SEMA6D: variants seen among roughly 807,000 people sequenced by gnomAD.
The protein encoded by SEMA6D is semaphorin-6D.
In SEMA6D, 35 loss-of-function variants were observed where a neutral mutation model predicts 106.6. The ratio of observed to expected loss-of-function variants is 0.33; its 90% CI spans 0.25 to 0.44. The LOEUF is 0.44. Ranked by LOEUF, SEMA6D falls within the 20% of genes least tolerant of loss-of-function variation. The pLI, the probability that SEMA6D is intolerant of heterozygous loss-of-function variation, is 1.00. For synonymous variants in SEMA6D, 499 were observed against 487.7 expected (o/e 1.02, Z -0.31); for missense variants, 1,185 against 1,345.9 (o/e 0.88, Z 1.87).
At chr15:47,327,217 C>T (rs149339113) in intron 1 of SEMA6D, among the ~76,000 whole-genome samples, 1,836 of 152,248 alleles carry the variant, frequency 0.012, 43 homozygotes, top group African/African-American at 0.042. Flanking sequence ...AGTTTCTTCA[C>T]TTGTAAAATG....
intron 2 of SEMA6D, among the ~76,000 whole-genome samples, chr15:47,462,747 C>T (rs2042552259): frequency 1.3e-5 from 2 of 152,036 alleles, no homozygotes; most frequent in South Asian, 2.1e-4. Context: ...GATAAAAGGC[C>T]TTCTCTTTTT....
At chr15:47,543,647 T>G (rs1392580156) in intron 3 of SEMA6D, among the ~76,000 whole-genome samples, 1 of 152,178 alleles carries the variant, frequency 6.6e-6, no homozygotes, top group African/African-American at 2.4e-5. Flanking sequence ...GGGCTAGTTA[T>G]TTTAAGACAA....
At chr15:47,274,015 G>T (rs74013766) in intron 1 of SEMA6D, among the ~76,000 whole-genome samples, 5,108 of 152,160 alleles carry the variant, frequency 0.034, 100 homozygotes, top group Middle Eastern at 0.054. Flanking sequence ...AGAGCTTGGG[G>T]GTATGGACCT....
At chr15:47,724,578 G>A (rs1045960319) in intron 1 of SEMA6D, among the ~76,000 whole-genome samples, 1 of 152,040 alleles carries the variant, frequency 6.6e-6, no homozygotes. Context: ...GAGGGGTGGT[G>A]GGGGAGGTGT....
At chr15:47,227,838 A>AT (rs2031846120) in intron 1 of SEMA6D, among the ~76,000 whole-genome samples, 1 of 140,998 alleles carries the variant, frequency 7.1e-6, no homozygotes, top group Non-Finnish European at 1.5e-5. Context: ...TGAAACTGAC[A>AT]TTGAATTGAG....
intron 3 of SEMA6D, among the ~76,000 whole-genome samples, chr15:47,471,599 G>A (rs949778823): frequency 6.6e-6 from 1 of 152,124 alleles, no homozygotes; most frequent in Admixed American, 6.6e-5. Context: ...TGCACCTACT[G>A]AAAGGTTGAT....
At chr15:47,763,325 A>ATCGTT (rs2082162189) in intron 9 of SEMA6D, among the ~76,000 whole-genome samples, 1 of 152,156 alleles carries the variant, frequency 6.6e-6, no homozygotes, top group Non-Finnish European at 1.5e-5. Flanking sequence ...TTGAGAAGGT[A>ATCGTT]TCGTTTTTTT....
At chr15:47,655,367 G>T (rs1175528349) in intron 4 of SEMA6D, among the ~76,000 whole-genome samples, 1 of 152,154 alleles carries the variant, frequency 6.6e-6, no homozygotes, top group Non-Finnish European at 1.5e-5. Flanking sequence ...CAGGGTTGAG[G>T]ACTGTTGTCA....
At chr15:47,508,900 A>G (rs934401175) in intron 3 of SEMA6D, among the ~76,000 whole-genome samples, 2 of 152,172 alleles carry the variant, frequency 1.3e-5, no homozygotes, top group Non-Finnish European at 2.9e-5. Flanking sequence ...ATTAAATAAT[A>G]TATTTATAAT....
At chr15:47,214,100 G>A (rs905296602) in intron 1 of SEMA6D, among the ~76,000 whole-genome samples, 4 of 152,110 alleles carry the variant, frequency 2.6e-5, no homozygotes, top group Non-Finnish European at 5.9e-5. Context: ...AAAGCACCAT[G>A]AGCAATAAGA....
chr15:47,656,736 GC>G (rs2077803491), intron 4 of SEMA6D, among the ~76,000 whole-genome samples: 1 of 152,184 alleles, frequency 6.6e-6, no homozygotes, highest in Non-Finnish European at 1.5e-5. Context: ...TAAGCTGCAT[GC>G]ACATGAGACC....
intron 4 of SEMA6D, among the ~76,000 whole-genome samples, chr15:47,708,163 C>T (rs1441735317): frequency 6.6e-6 from 1 of 152,204 alleles, no homozygotes; most frequent in Non-Finnish European, 1.5e-5. Flanking sequence ...AAAAGCATTA[C>T]AATCATCTTT....
intron 1 of SEMA6D, among the ~76,000 whole-genome samples, chr15:47,750,808 G>A (rs2081388364): frequency 6.6e-6 from 1 of 152,208 alleles, no homozygotes; most frequent in African/African-American, 2.4e-5. Context: ...TCTCCTCATG[G>A]CCCACAGCGA....
intron 1 of SEMA6D, among the ~76,000 whole-genome samples, chr15:47,272,135 GGAGA>G (rs1004714626): frequency 1.2e-4 from 18 of 152,266 alleles, no homozygotes; most frequent in African/African-American, 4.3e-4. Context: ...GAGCTAGAAA[GGAGA>G]GAGAAAAATG....
intron 3 of SEMA6D, among the ~76,000 whole-genome samples, chr15:47,557,331 C>T (rs1264451921): frequency 6.6e-6 from 1 of 152,204 alleles, no homozygotes; most frequent in Non-Finnish European, 1.5e-5. Context: ...GCTACCTACA[C>T]TTGGAGAACC....
At chr15:47,427,900 C>CT (rs1010673259) in intron 2 of SEMA6D, among the ~76,000 whole-genome samples, 1 of 152,090 alleles carries the variant, frequency 6.6e-6, no homozygotes, top group African/African-American at 2.4e-5. Context: ...CTCTTACTCT[C>CT]TCTTTCTCTG....
At chr15:47,327,609 A>T (rs181408163) in intron 1 of SEMA6D, among the ~76,000 whole-genome samples, 1 of 152,338 alleles carries the variant, frequency 6.6e-6, no homozygotes, top group Non-Finnish European at 1.5e-5. Context: ...TAAGTAGAAA[A>T]TATAAAAACA....
chr15:47,769,203 A>C (rs773836678), intron 18 of SEMA6D, among the ~76,000 whole-genome samples: 2 of 152,308 alleles, frequency 1.3e-5, no homozygotes, highest in Middle Eastern at 3.4e-3. Flanking sequence ...CTTGAATGCC[A>C]CAAGCAATAA....
chr15:47,386,380 G>A (rs1050362779), intron 1 of SEMA6D, among the ~76,000 whole-genome samples: 9 of 152,128 alleles, frequency 5.9e-5, no homozygotes, highest in African/African-American at 1.9e-4. Context: ...GGGTCTTCAC[G>A]AAGCAGACAC....
Sources: allele counts gnomAD v4.1 joint callset (sites outside exome capture counted in the v4.1 genomes callset), GRCh38; gene constraint gnomAD v4.1.1; transcripts MANE v1.5; gene names NCBI Gene and HGNC (gene_info 2026-07-23, HGNC 2026-07-21).